The following PPIA variants were observed in gnomAD, a reference collection of about 807,000 sequenced individuals.
PPIA encodes the protein peptidyl-prolyl cis-trans isomerase A.
Under a neutral mutation model 15.3 loss-of-function variants are expected in PPIA, and 2 were observed. The ratio of observed to expected loss-of-function variants is 0.13; its 90% CI spans 0.05 to 0.41. The LOEUF (loss-of-function observed/expected upper bound fraction) is 0.41. Ranked by LOEUF, PPIA falls within the 10% of genes least tolerant of loss-of-function variation. The pLI is 0.99. For missense variants in PPIA, 103 were observed against 210.3 expected, an observed-to-expected ratio of 0.49 and a Z score of 3.16; for synonymous variants, 67 against 73.1, an observed-to-expected ratio of 0.92 and a Z score of 0.43.
At chr7:44,797,164 C>A (rs745680741) in intron 1 of PPIA, among the ~76,000 whole-genome samples, 4 of 152,318 alleles carry the variant, frequency 2.6e-5, no homozygotes, top group Non-Finnish European at 4.4e-5. Context: ...CGCCGCAGAC[C>A]GGAGCCAGAA....
At chr7:44,800,735 T>C (rs556446414) in intron 4 of PPIA, among the ~76,000 whole-genome samples, 4 of 152,028 alleles carry the variant, frequency 2.6e-5, no homozygotes, top group Admixed American at 6.6e-5. Flanking sequence ...ATTAATAACA[T>C]GCGGTTGGTT....
At position 44,802,472 on chromosome 7, in the gene PPIA, C is replaced by CT. The variant is rs1329098217; in HGVS notation, c.*1052dup. 6.6e-6 allele frequency: 1 copy of CT among 152,114 alleles called. No individual in the cohort carries two copies. Among genetic ancestry groups the CT allele is most frequent in the Non-Finnish European group, 1.5e-5 (1 of 68,018 alleles). 9.4% of individuals were successfully genotyped at this position (152,114 alleles called of 1,614,324 possible). A position where few individuals can be genotyped will look rare whatever the true frequency, so the allele number is the denominator to read the frequency against. ...CCTCATTTTCTGTAACAAAGCTAAGCTTGAACACTGTTGATGTTCTTGAGG... is the reference window on the plus strand; with the variant it reads ...CCTCATTTTCTGTAACAAAGCTAAGCTTTGAACACTGTTGATGTTCTTGAGG... On this transcript the variant is annotated 3_prime_UTR_variant, in exon 5 of 5. Coordinates refer to ENST00000468812, the MANE Select transcript of PPIA (RefSeq NM_021130.5).
chr7:44,798,868 G>C, intron 1 of PPIA: 4 of 1,026,612 alleles, frequency 3.9e-6, no homozygotes, highest in Non-Finnish European at 4.7e-6. Context: ...ACCCCTGATC[G>C]TGCAGCAGTG....
chr7:44,801,199 AAAAG>A, intron 4 of PPIA, 84 bp from the exon 5 acceptor site: 3 of 1,410,284 alleles, frequency 2.1e-6, no homozygotes, highest in Non-Finnish European at 2.9e-6. Flanking sequence ...AAAAAAAAAA[AAAAG>A]CTACCTTTCT....
chr7:44,800,234 G>A (rs1450713122), intron 4 of PPIA, among the ~76,000 whole-genome samples: 1 of 151,938 alleles, frequency 6.6e-6, no homozygotes, highest in Non-Finnish European at 1.5e-5. Context: ...GAATACAGAT[G>A]TGTGCCAGCA....
chr7:44,798,973 G>T, intron 1 of PPIA: 1 of 1,187,486 alleles, frequency 8.4e-7, no homozygotes, highest in Non-Finnish European at 1.1e-6. Flanking sequence ...TCAGAAGTAG[G>T]TGTGATGTAC....
intron 2 of PPIA, 26 bp downstream of exon 2, chr7:44,799,303 A>G (rs2116985201): frequency 1.2e-6 from 2 of 1,613,094 alleles, no homozygotes; most frequent in Non-Finnish European, 1.7e-6. Context: ...AAGTTTAACA[A>G]AGATGTTCCA....
At position 44,801,434 on chromosome 7, in the gene PPIA, G is replaced by T. The variant is rs778610995; in HGVS notation, c.*12G>T. 14 of 1,517,516 alleles carry T rather than the reference G, an allele frequency of 9.2e-6. No homozygotes were observed. Among genetic ancestry groups the T allele is most frequent in the Middle Eastern group, 2.2e-4 (1 of 4,510 alleles). 94.0% of individuals were successfully genotyped at this position (1,517,516 alleles called of 1,614,324 possible). A position where few individuals can be genotyped will look rare whatever the true frequency, so the allele number is the denominator to read the frequency against. On this transcript the variant is annotated 3_prime_UTR_variant, in exon 5 of 5. Coordinates refer to ENST00000468812, the MANE Select transcript of PPIA (RefSeq NM_021130.5). ...GACAACTCGAATAAGTTTGACTTGTGTTTTATCTTAACCACCAGATCATTC... is the reference window on the plus strand; with the variant it reads ...GACAACTCGAATAAGTTTGACTTGTTTTTTATCTTAACCACCAGATCATTC...
intron 4 of PPIA, among the ~76,000 whole-genome samples, chr7:44,801,085 G>A (rs1423767091): frequency 9.2e-5 from 14 of 152,082 alleles, no homozygotes; most frequent in Non-Finnish European, 8.8e-5. Context: ...CCAAAGTGCT[G>A]GGATTACAGG....
intron 1 of PPIA, 86 bp from the exon 2 acceptor site, chr7:44,799,161 G>T (rs1792468439): frequency 7.1e-7 from 1 of 1,416,216 alleles, no homozygotes; most frequent in East Asian, 2.3e-5. Context: ...GTGAGAAAAT[G>T]AATTTATGAC....
rs1792564510 is a variant in PPIA, at chr7:44,801,622, A to G, written c.*200A>G. 5 of 508,014 alleles carry G rather than the reference A, an allele frequency of 9.8e-6. No homozygotes were observed. The highest frequency in any genetic ancestry group is 7.0e-5 in the East Asian group (2 of 28,426). 31.5% of individuals were successfully genotyped at this position (508,014 alleles called of 1,614,324 possible). ...TTTATGATTATGAAATAAAAACTAA[A>G]TAACAATTGTCCTCGTTTGAGTTAA... On this transcript the variant is annotated 3_prime_UTR_variant, in exon 5 of 5. Transcript: ENST00000468812.
chr7:44,799,400 C>T lies in PPIA; in HGVS notation c.109C>T (p.Arg37Cys), dbSNP rs1164610556. 1.9e-6 allele frequency: 3 copies of T among 1,611,984 alleles called. No individual in the cohort carries two copies. Among genetic ancestry groups the T allele is most frequent in the Admixed American group, 1.7e-5 (1 of 59,704 alleles). The change falls in exon 3 of 5, where the codon CGT (arginine) becomes TGT (cysteine). Residue 37 changes from arginine to cysteine, a missense_variant. Physicochemically the swap from Arg to Cys is radical, Grantham distance 180 (BLOSUM62 -3). Coordinates refer to ENST00000468812, the MANE Select transcript of PPIA (RefSeq NM_021130.5). The part of the protein sequence containing the change: ...DKVPKTAENF[R>C]ALSTGEKGFG... ...AATTTTTTTTTAAACAGAAAATTTT[C>T]GTGCTCTGAGCACTGGAGAGAAAGG...
intron 1 of PPIA, chr7:44,797,983 C>CT (rs1168590411): frequency 1.3e-5 from 2 of 152,224 alleles, no homozygotes; most frequent in Non-Finnish European, 2.9e-5. Context: ...CACCCCACCC[C>CT]ACCTATGAGT....
chr7:44,796,874 G>T (rs988842421), intron 1 of PPIA, 81 bp downstream of exon 1: 14 of 1,438,072 alleles, frequency 9.7e-6, no homozygotes, highest in Admixed American at 6.4e-5. Context: ...CCAAAGGCCC[G>T]GGCGCGGGGC....
rs781375434 is a variant in PPIA at position 44,799,387 on chromosome 7, A to C, written c.101-5A>C. 3 of 1,611,680 alleles carry C rather than the reference A, an allele frequency of 1.9e-6. No individual in the cohort carries two copies. In the Admixed American group the frequency reaches 5.0e-5, roughly 27 times the overall value. On this transcript the variant is annotated splice_region_variant and splice_polypyrimidine_tract_variant and intron_variant, in intron 2 of 4. Coordinates refer to ENST00000468812, the MANE Select transcript of PPIA (RefSeq NM_021130.5). ...TATATATGTGTTTAATTTTTTTTTA[A>C]ACAGAAAATTTTCGTGCTCTGAGCA...
At chr7:44,800,725 A>G (rs538196027) in intron 4 of PPIA, among the ~76,000 whole-genome samples, 16 of 151,750 alleles carry the variant, frequency 1.1e-4, no homozygotes, top group Middle Eastern at 6.8e-3. Flanking sequence ...TTATGTTACT[A>G]TTAATAACAT....
chr7:44,800,257 T>A (rs1792506338), intron 4 of PPIA, among the ~76,000 whole-genome samples: 1 of 152,090 alleles, frequency 6.6e-6, no homozygotes, highest in Non-Finnish European at 1.5e-5. Context: ...CCTGGCTAAT[T>A]TTTTGTATTT....
intron 1 of PPIA, 99 bp downstream of exon 1, chr7:44,796,892 C>T: frequency 7.6e-7 from 1 of 1,308,040 alleles, no homozygotes; most frequent in Non-Finnish European, 1.0e-6. Context: ...GGCGACCCTG[C>T]TTGAGGGGCG....
intron 1 of PPIA, 51 bp from the exon 2 acceptor site, chr7:44,799,196 A>G (rs748408053): frequency 1.6e-5 from 26 of 1,582,034 alleles, no homozygotes; most frequent in African/African-American, 1.5e-4. Context: ...AGACATGGGT[A>G]CTAAGCAACA....
Sources: allele counts gnomAD v4.1 joint callset (sites outside exome capture counted in the v4.1 genomes callset), GRCh38; gene constraint gnomAD v4.1.1; transcripts MANE v1.5; gene names NCBI Gene and HGNC (gene_info 2026-07-23, HGNC 2026-07-21).